The following FSTL4 variants were observed in gnomAD, a reference collection of about 807,000 sequenced individuals.
The protein encoded by FSTL4 is follistatin-related protein 4.
In FSTL4, 28 loss-of-function variants were observed where a neutral mutation model predicts 78.2. The observed-to-expected ratio is 0.36, with a 90% CI of 0.27 to 0.49. The LOEUF (loss-of-function observed/expected upper bound fraction) is 0.49, where lower values mean the gene tolerates loss of function less well. FSTL4 is among the 20% of genes least tolerant of loss of function. The pLI is 0.98. For missense variants in FSTL4, 922 were observed against 1,084.9 expected, an observed-to-expected ratio of 0.85 and a Z score of 2.11; for synonymous variants, 422 against 440.5, an observed-to-expected ratio of 0.96 and a Z score of 0.53.
chr5:133,411,728 T>C (rs1756481054), intron 3 of FSTL4, among the ~76,000 whole-genome samples: 1 of 152,084 alleles, frequency 6.6e-6, no homozygotes, highest in African/African-American at 2.4e-5. Context: ...GACAAGACAA[T>C]GAAATAATCA....
intron 2 of FSTL4, among the ~76,000 whole-genome samples, chr5:133,599,856 G>A (rs166262): frequency 1.3e-5 from 2 of 151,526 alleles, no homozygotes; most frequent in Non-Finnish European, 2.9e-5. Context: ...GTGGGGGGGC[G>A]GCCACTGCAG....
intron 13 of FSTL4, 96 bp downstream of exon 13, chr5:133,217,133 G>T: frequency 1.0e-6 from 1 of 958,468 alleles, no homozygotes; most frequent in Non-Finnish European, 1.6e-6. Flanking sequence ...CTGACCACCT[G>T]GCACAGGAGC....
At chr5:133,650,264 C>T in the FSTL4 span, among the ~76,000 whole-genome samples, 3 of 152,154 alleles carry the variant, frequency 2.0e-5, no homozygotes, top group African/African-American at 7.2e-5. Context: ...CAAACTTCAA[C>T]ATGAAGTTTG....
intron 3 of FSTL4, among the ~76,000 whole-genome samples, chr5:133,466,314 G>C (rs915740435): frequency 1.3e-5 from 2 of 152,134 alleles, no homozygotes; most frequent in African/African-American, 4.8e-5. Context: ...AGGCCGAGGC[G>C]GGCAGATCAT....
chr5:133,674,960 T>G, the FSTL4 span, among the ~76,000 whole-genome samples: 1,930 of 152,294 alleles, frequency 0.013, 45 homozygotes, highest in African/African-American at 0.044. Context: ...CTAGGCTCAT[T>G]GCAGTGAATA....
chr5:133,409,730 TGATGAAGATG>T, intron 3 of FSTL4, among the ~76,000 whole-genome samples: 1 of 152,208 alleles, frequency 6.6e-6, no homozygotes, highest in Non-Finnish European at 1.5e-5. Flanking sequence ...GGACTGAATC[TGATGAAGATG>T]CTGCAGAGAC....
chr5:133,263,233 G>A (rs1409780146), intron 6 of FSTL4, among the ~76,000 whole-genome samples: 1 of 152,202 alleles, frequency 6.6e-6, no homozygotes, highest in Non-Finnish European at 1.5e-5. Context: ...GCTGAGGGGT[G>A]GTCAGTTGGA....
At chr5:133,459,579 A>T (rs754325976) in intron 3 of FSTL4, among the ~76,000 whole-genome samples, 2 of 152,234 alleles carry the variant, frequency 1.3e-5, no homozygotes, top group Non-Finnish European at 2.9e-5. Flanking sequence ...AGATATTATC[A>T]AACATCTGCA....
chr5:133,269,184 C>CA (rs869156118), intron 6 of FSTL4, among the ~76,000 whole-genome samples: 3,366 of 57,764 alleles, frequency 0.058, 102 homozygotes, highest in East Asian at 0.09. Context: ...GACTCCATCT[C>CA]AAAAAAAAAA....
the FSTL4 span, among the ~76,000 whole-genome samples, chr5:133,815,243 A>G: frequency 6.6e-6 from 1 of 152,222 alleles, no homozygotes; most frequent in African/African-American, 2.4e-5. Context: ...GCAGGGAATA[A>G]CTAGAGCAGA....
At chr5:133,262,937 C>CG (rs917129498) in intron 6 of FSTL4, among the ~76,000 whole-genome samples, 17 of 150,980 alleles carry the variant, frequency 1.1e-4, no homozygotes, top group African/African-American at 4.1e-4. Flanking sequence ...GTTTGGGTGT[C>CG]GGGGGGTGGG....
At chr5:133,474,579 T>C (rs1466815715) in intron 3 of FSTL4, among the ~76,000 whole-genome samples, 1 of 152,208 alleles carries the variant, frequency 6.6e-6, no homozygotes, top group Non-Finnish European at 1.5e-5. Context: ...TTTCGTGACT[T>C]ACAGGCAGGC....
chr5:133,784,340 G>C, the FSTL4 span, among the ~76,000 whole-genome samples: 1 of 152,110 alleles, frequency 6.6e-6, no homozygotes, highest in South Asian at 2.1e-4. Context: ...ATAAACTGAG[G>C]CCAGGAAAAA....
the FSTL4 span, among the ~76,000 whole-genome samples, chr5:133,839,933 G>C: frequency 1.3e-5 from 2 of 152,220 alleles, no homozygotes; most frequent in Non-Finnish European, 1.5e-5. Flanking sequence ...ATTTCTGCCA[G>C]CTACAGTGAG....
At chr5:133,467,175 T>C (rs1293987587) in intron 3 of FSTL4, among the ~76,000 whole-genome samples, 1 of 151,176 alleles carries the variant, frequency 6.6e-6, no homozygotes, top group Non-Finnish European at 1.5e-5. Flanking sequence ...TGTATGAGTG[T>C]GGGAGTATGC....
chr5:133,443,869 C>T (rs1646510156), intron 3 of FSTL4, among the ~76,000 whole-genome samples: 1 of 152,240 alleles, frequency 6.6e-6, no homozygotes, highest in African/African-American at 2.4e-5. Context: ...CTACGCAATT[C>T]TCAGTTCAGA....
At chr5:133,391,130 T>C (rs1323814550) in intron 4 of FSTL4, among the ~76,000 whole-genome samples, 4 of 152,244 alleles carry the variant, frequency 2.6e-5, no homozygotes, top group South Asian at 2.1e-4. Flanking sequence ...CGTATTTGAG[T>C]TGTGGCTGGT....
At chr5:133,327,621 G>C (rs1002196287) in intron 4 of FSTL4, among the ~76,000 whole-genome samples, 45 of 152,266 alleles carry the variant, frequency 3.0e-4, no homozygotes, top group African/African-American at 1.1e-3. Flanking sequence ...CTTGCTTCCC[G>C]GTAAGGCATG....
intron 7 of FSTL4, among the ~76,000 whole-genome samples, chr5:133,239,728 G>A (rs137874526): frequency 0.016 from 2,420 of 152,186 alleles, 55 homozygotes; most frequent in African/African-American, 0.055. Flanking sequence ...TGCACCAATC[G>A]GCACTCTGTA....
Sources: allele counts gnomAD v4.1 joint callset (sites outside exome capture counted in the v4.1 genomes callset), GRCh38; gene constraint gnomAD v4.1.1; transcripts MANE v1.5; gene names NCBI Gene and HGNC (gene_info 2026-07-23, HGNC 2026-07-21).